Variants in IL1R1 observed in about 807,000 individuals in gnomAD.
The protein encoded by IL1R1 is interleukin 1 receptor type 1, also known as interleukin-1 receptor type 1.
IL1R1 carries 22 observed loss-of-function variants against 50.2 expected under a neutral mutation model. The ratio of observed to expected loss-of-function variants is 0.44; its 90% CI spans 0.31 to 0.63. The LOEUF (loss-of-function observed/expected upper bound fraction) is 0.63, where lower values mean the gene tolerates loss of function less well. IL1R1 is among the 20% of genes least tolerant of loss of function. IL1R1 has a pLI of 0.07. For synonymous variants in IL1R1, 251 were observed against 236.7 expected (o/e 1.06, Z -0.55); for missense variants, 509 against 676.2 (o/e 0.75, Z 2.74).
At chr2:102,110,019 T>C (rs530272257) in intron 1 of IL1R1, among the ~76,000 whole-genome samples, 2 of 152,382 alleles carry the variant, frequency 1.3e-5, no homozygotes, top group South Asian at 4.1e-4. Context: ...TTAAATTTTT[T>C]TGAGTGAATG....
At chr2:102,174,523 G>T in intron 9 of IL1R1, 64 bp from the exon 10 acceptor site, 1 of 1,274,202 alleles carries the variant, frequency 7.8e-7, no homozygotes, top group Non-Finnish European at 1.1e-6. Context: ...AATTTGCTGT[G>T]CTCAAAGTTT....
intron 1 of IL1R1, among the ~76,000 whole-genome samples, chr2:102,135,221 C>G (rs778964147): frequency 1.2e-4 from 18 of 152,120 alleles, no homozygotes; most frequent in Admixed American, 5.9e-4. Flanking sequence ...ACAGTGTTGC[C>G]TCTGCTGGAT....
chr2:102,099,334 C>A (rs1680038480), intron 1 of IL1R1, among the ~76,000 whole-genome samples: 1 of 152,132 alleles, frequency 6.6e-6, no homozygotes, highest in African/African-American at 2.4e-5. Context: ...ATGTTCGTAC[C>A]CATCCAGTGG....
At chr2:102,146,100 C>T (rs200006796) in intron 1 of IL1R1, among the ~76,000 whole-genome samples, 2 of 151,956 alleles carry the variant, frequency 1.3e-5, no homozygotes, top group Non-Finnish European at 2.9e-5. Context: ...AAGCACAGTT[C>T]GGTAATCATG....
At chr2:102,153,526 C>G (rs754086115) in intron 1 of IL1R1, among the ~76,000 whole-genome samples, 2 of 152,090 alleles carry the variant, frequency 1.3e-5, no homozygotes, top group African/African-American at 2.4e-5. Context: ...GCTCTGTGTC[C>G]CCACCCAAAT....
chr2:102,103,862 C>T (rs1045934871), upstream of IL1R1, among the ~76,000 whole-genome samples: 1 of 151,786 alleles, frequency 6.6e-6, no homozygotes, highest in Admixed American at 6.6e-5. Context: ...GACATGGTGG[C>T]GGGCATCTAT....
Position 102,172,460 on chromosome 2 carries a change from A to AT in IL1R1, c.840-220dup, listed in dbSNP as rs936152671. 2.0e-5 allele frequency: 20 copies of AT among 978,468 alleles called. No individual in the cohort carries two copies. The African/African-American group carries it at 2.6e-4, about 13-fold the overall frequency. The allele number at this position is 978,468 out of a possible 1,614,324, so 60.6% of individuals were successfully genotyped here. ...TACATTTTTCTTCTTGGAAGTGGTA[A>AT]TTTTTTTGCTTTCTCTGCTACTGAG... On this transcript the variant is annotated intron_variant, in intron 8 of 11. Coordinates refer to ENST00000410023, the MANE Select transcript of IL1R1 (RefSeq NM_000877.4).
chr2:102,080,444 T>C (rs1469631450), intron 1 of IL1R1, among the ~76,000 whole-genome samples: 1 of 152,112 alleles, frequency 6.6e-6, no homozygotes, highest in East Asian at 1.9e-4. Flanking sequence ...CTGAAGAAGA[T>C]AGATAAAGGG....
chr2:102,157,626 G>C (rs1370248562), intron 2 of IL1R1, 93 bp from the exon 3 acceptor site: 1 of 763,448 alleles, frequency 1.3e-6, no homozygotes, highest in African/African-American at 1.7e-5. Context: ...TGAGGGTGGG[G>C]ACAGGGCCGG....
At chr2:102,098,703 A>G (rs764472243) in intron 1 of IL1R1, among the ~76,000 whole-genome samples, 1 of 152,194 alleles carries the variant, frequency 6.6e-6, no homozygotes, top group Non-Finnish European at 1.5e-5. Context: ...GAAAAAAAAG[A>G]GTAGGTGGGA....
Position 102,166,260 on chromosome 2 carries a change from G to T in IL1R1, c.634G>T (p.Val212Leu). The T allele has an allele frequency of 6.2e-7, 1 of 1,613,046 alleles. No homozygotes were observed. The change falls in exon 6 of 12, where the codon GTA becomes TTA. Residue 212 changes from valine to leucine, a missense_variant. Val to Leu is a conservative substitution (Grantham distance 32). Transcript: ENST00000410023. ...YLGKQYPITRVIEFITLEENK... is the reference protein window; with the variant it reads ...YLGKQYPITRLIEFITLEENK... The stretch of plus-strand genomic sequence containing the variant: ...GGGCAAGCAATATCCTATTACCCGG[G>T]TAATAGAATTTATTACTCTAGGTGA...
Position 102,176,302 on chromosome 2 carries a change from A to T in IL1R1, c.1304-51A>T, listed in dbSNP as rs761166035. Reference sequence around the variant, plus strand: ...CTTGTGTGGCTTTGGTTCAGGAGAGAATGATGATAAATAGAATTTTACTTA... The same window carrying T: ...CTTGTGTGGCTTTGGTTCAGGAGAGTATGATGATAAATAGAATTTTACTTA... On this transcript the variant is annotated intron_variant, in intron 11 of 11. Transcript: ENST00000410023. 2.0e-6 allele frequency: 3 copies of T among 1,535,382 alleles called. No individual in the cohort carries two copies. In the South Asian group the frequency reaches 3.6e-5, roughly 19 times the overall value.
At chr2:102,142,092 T>C (rs2104441074), upstream of IL1R1, 1 of 152,312 alleles carries the variant, frequency 6.6e-6, no homozygotes, top group African/African-American at 2.4e-5. Flanking sequence ...AGTATGACAC[T>C]TAAATTGCTT....
intron 1 of IL1R1, among the ~76,000 whole-genome samples, chr2:102,130,685 C>G (rs1303028383): frequency 8.1e-6 from 1 of 123,094 alleles, no homozygotes; most frequent in Non-Finnish European, 1.6e-5. Context: ...ATATCAAAAA[C>G]TTTTTCAACC....
intron 3 of IL1R1, among the ~76,000 whole-genome samples, chr2:102,164,023 G>A (rs3917280): frequency 1.8e-3 from 269 of 152,292 alleles, no homozygotes; most frequent in African/African-American, 6.2e-3. Flanking sequence ...CACCCTGGCT[G>A]TTGGGAACAG....
At chr2:102,173,981 A>T (rs1685899646) in intron 9 of IL1R1, among the ~76,000 whole-genome samples, 1 of 152,154 alleles carries the variant, frequency 6.6e-6, no homozygotes, top group African/African-American at 2.4e-5. Context: ...AAATCATTTA[A>T]ATTGGAAAAG....
At chr2:102,079,098 A>G (rs565063248) in intron 1 of IL1R1, among the ~76,000 whole-genome samples, 1 of 152,284 alleles carries the variant, frequency 6.6e-6, no homozygotes, top group East Asian at 1.9e-4. Context: ...TCAGCAGAGT[A>G]GTAATAGAAG....
chr2:102,163,582 C>T (rs770755781), intron 3 of IL1R1, among the ~76,000 whole-genome samples: 5 of 152,060 alleles, frequency 3.3e-5, no homozygotes, highest in Non-Finnish European at 5.9e-5. Flanking sequence ...CATGTCTTCA[C>T]TAATCATGTT....
At chr2:102,171,677 A>G in intron 7 of IL1R1, 124 bp from the exon 8 acceptor site, 1 of 455,578 alleles carries the variant, frequency 2.2e-6, no homozygotes, top group Non-Finnish European at 3.9e-6. Flanking sequence ...TGGTGGGTTT[A>G]GGGTAATTTT....
Sources: gnomAD v4.1 joint callset for allele counts (sites outside exome capture counted in the v4.1 genomes callset) on GRCh38, gnomAD v4.1.1 for gene constraint, MANE v1.5 for transcripts, NCBI Gene and HGNC (gene_info 2026-07-23, HGNC 2026-07-21) for gene names.